The following SPIN1 variants were observed in gnomAD, a reference collection of about 807,000 sequenced individuals.
The protein encoded by SPIN1 is spindlin-1.
Under a neutral mutation model 26.0 loss-of-function variants are expected in SPIN1, and 3 were observed. The ratio of observed to expected loss-of-function variants is 0.12; its 90% CI spans 0.05 to 0.30. The LOEUF (loss-of-function observed/expected upper bound fraction) is 0.30, where lower values mean the gene tolerates loss of function less well. Among genes scored for constraint, SPIN1 ranks in the 10% least tolerant of loss-of-function variants. The pLI, the probability that SPIN1 is intolerant of heterozygous loss-of-function variation, is 1.00. For synonymous variants in SPIN1, 101 were observed against 116.5 expected, an observed-to-expected ratio of 0.87 and a Z score of 0.86; for missense variants, 126 against 333.4, an observed-to-expected ratio of 0.38 and a Z score of 4.84.
chr9:88,395,338 A>G lies in SPIN1; in HGVS notation c.-159+6800A>G, dbSNP rs573370466. On this transcript the variant is annotated intron_variant, in intron 1 of 5. Coordinates refer to ENST00000375859, the MANE Select transcript of SPIN1 (RefSeq NM_006717.3). Reference sequence around the variant, plus strand: ...TTTCCTACACAATAGGCAGCGTTCTATGCACACTGCTCTGCCGTTCTATGC... The same window carrying G: ...TTTCCTACACAATAGGCAGCGTTCTGTGCACACTGCTCTGCCGTTCTATGC... 8.6e-4 allele frequency among the ~76,000 whole-genome samples: 89 copies of G among 103,168 alleles called. 1 individual carries two copies. Among genetic ancestry groups the G allele is most frequent in the African/African-American group, 4.5e-3 (84 of 18,462 alleles). 67.7% of individuals were successfully genotyped at this position (103,168 alleles called of 152,430 possible).
chr9:88,468,791 T>C (rs1828720848), intron 5 of SPIN1, among the ~76,000 whole-genome samples, 186 bp downstream of exon 5: 1 of 152,100 alleles, frequency 6.6e-6, no homozygotes, highest in Admixed American at 6.5e-5. Context: ...AAGAAAATAT[T>C]TGATAGTCAG....
intron 1 of SPIN1, among the ~76,000 whole-genome samples, chr9:88,425,815 A>C (rs757865416): frequency 5.9e-5 from 9 of 152,166 alleles, no homozygotes; most frequent in Non-Finnish European, 1.3e-4. Flanking sequence ...AGGGAAACTC[A>C]GAGACGTGTT....
chr9:88,411,467 G>T, intron 1 of SPIN1: 2 of 1,166,330 alleles, frequency 1.7e-6, no homozygotes, highest in Non-Finnish European at 1.2e-6. Flanking sequence ...TAGACATGAT[G>T]GCATGGAGAA....
intron 1 of SPIN1, among the ~76,000 whole-genome samples, chr9:88,419,422 C>T (rs1029357454): frequency 6.6e-6 from 1 of 152,178 alleles, no homozygotes; most frequent in African/African-American, 2.4e-5. Context: ...ATAAGAACCC[C>T]TTGCTCTCCC....
chr9:88,412,690 A>T (rs1827475279), intron 1 of SPIN1, among the ~76,000 whole-genome samples: 1 of 146,542 alleles, frequency 6.8e-6, no homozygotes, highest in Non-Finnish European at 1.5e-5. Context: ...TTTGTCAGTA[A>T]TTTTTTTTTT....
In SPIN1 at chr9:88,476,329, C is replaced by CT. The variant is rs1355165603; in HGVS notation, c.*1054dup. On this transcript the variant is annotated 3_prime_UTR_variant, in exon 6 of 6. Coordinates refer to ENST00000375859, the MANE Select transcript of SPIN1 (RefSeq NM_006717.3). ...TATAAGTTTTGAGTGGCATTGTTGC[C>CT]TTCTAACAAGCTCTCTGGGACTTTT... 2 of 152,136 alleles carry CT rather than the reference C, an allele frequency of 1.3e-5. No homozygotes were observed. The highest frequency in any genetic ancestry group is 4.8e-5 in the African/African-American group (2 of 41,438). 9.4% of individuals were successfully genotyped at this position (152,136 alleles called of 1,614,324 possible).
chr9:88,446,510 G>T (rs1019706144), intron 2 of SPIN1, among the ~76,000 whole-genome samples: 1 of 151,164 alleles, frequency 6.6e-6, no homozygotes, highest in African/African-American at 2.4e-5. Context: ...GGGTTCAAGC[G>T]ATTCTCCTGC....
chr9:88,411,338 T>A, intron 1 of SPIN1: 1 of 1,488,692 alleles, frequency 6.7e-7, no homozygotes, highest in Non-Finnish European at 9.3e-7. Context: ...TACCACACAG[T>A]CCGTGAGTGT....
At chr9:88,399,491 C>T (rs770899644) in intron 1 of SPIN1, among the ~76,000 whole-genome samples, 6 of 152,106 alleles carry the variant, frequency 3.9e-5, no homozygotes, top group East Asian at 1.9e-4. Flanking sequence ...GTTCTAGTTG[C>T]CTTTGTTCCT....
intron 1 of SPIN1, among the ~76,000 whole-genome samples, chr9:88,401,543 C>T (rs1423139641): frequency 6.6e-6 from 1 of 152,160 alleles, no homozygotes; most frequent in Non-Finnish European, 1.5e-5. Flanking sequence ...ATACTTTAAT[C>T]TCTAAATTAC....
At chr9:88,462,397 G>A in intron 3 of SPIN1, 99 bp from the exon 4 acceptor site, 2 of 1,484,320 alleles carry the variant, frequency 1.3e-6, no homozygotes, top group Non-Finnish European at 1.8e-6. Flanking sequence ...CATATTTTGG[G>A]ACCATCTGTA....
At chr9:88,445,375 G>C (rs536858936) in intron 2 of SPIN1, among the ~76,000 whole-genome samples, 1 of 151,960 alleles carries the variant, frequency 6.6e-6, no homozygotes, top group East Asian at 1.9e-4. Context: ...TCAAGCCTCT[G>C]TCCACGTCTC....
intron 2 of SPIN1, among the ~76,000 whole-genome samples, chr9:88,433,814 A>T (rs1041360985): frequency 2.0e-5 from 3 of 151,614 alleles, no homozygotes; most frequent in African/African-American, 7.2e-5. Flanking sequence ...AAATTTTCAA[A>T]GAAAGAAAGA....
At chr9:88,474,674 A>G (rs1587820110) in intron 5 of SPIN1, among the ~76,000 whole-genome samples, 1 of 152,220 alleles carries the variant, frequency 6.6e-6, no homozygotes, top group East Asian at 1.9e-4. Flanking sequence ...ACTTATTTTC[A>G]TTTAAGTGCA....
At chr9:88,412,711 C>T (rs1347848292) in intron 1 of SPIN1, among the ~76,000 whole-genome samples, 2 of 151,390 alleles carry the variant, frequency 1.3e-5, no homozygotes, top group Non-Finnish European at 2.9e-5. Context: ...TTTAGACAGT[C>T]TCACTCAGTC....
At chr9:88,433,688 CAT>C (rs1827932329) in intron 2 of SPIN1, among the ~76,000 whole-genome samples, 1 of 152,150 alleles carries the variant, frequency 6.6e-6, no homozygotes, top group Non-Finnish European at 1.5e-5. Flanking sequence ...TTTAAGTTTA[CAT>C]AGTCATATTT....
chr9:88,393,445 GTTTTTTTTTTTTTTTTT>G (rs57244433), intron 1 of SPIN1, among the ~76,000 whole-genome samples: 4 of 88,428 alleles, frequency 4.5e-5, no homozygotes, highest in Admixed American at 1.3e-4. Flanking sequence ...TTGCTTTTGG[GTTTTTTTTTTTTTTTTT>G]TTTTTTTTTT....
intron 1 of SPIN1, among the ~76,000 whole-genome samples, chr9:88,402,341 T>C (rs750952617): frequency 1.3e-5 from 2 of 152,152 alleles, no homozygotes; most frequent in Non-Finnish European, 2.9e-5. Flanking sequence ...CCTTCTCTTT[T>C]AGCTACTTTG....
chr9:88,431,518 G>A (rs1028692127), intron 2 of SPIN1, among the ~76,000 whole-genome samples: 18 of 151,830 alleles, frequency 1.2e-4, no homozygotes, highest in Non-Finnish European at 2.4e-4. Flanking sequence ...TTGAACTCCC[G>A]ACCTCAGGTG....
Sources: gnomAD v4.1 joint callset for allele counts (sites outside exome capture counted in the v4.1 genomes callset) on GRCh38, gnomAD v4.1.1 for gene constraint, MANE v1.5 for transcripts, NCBI Gene and HGNC (gene_info 2026-07-23, HGNC 2026-07-21) for gene names.